The following MYO16 variants were observed in gnomAD, a reference collection of about 807,000 sequenced individuals.
MYO16 encodes unconventional myosin-XVI.
A neutral mutation model predicts 205.3 loss-of-function variants in MYO16; 94 were observed. That is an observed-to-expected ratio of 0.46 (90% CI 0.39 to 0.54). The LOEUF (loss-of-function observed/expected upper bound fraction) is 0.54. MYO16 is among the 20% of genes least tolerant of loss of function. The pLI, the probability that MYO16 is intolerant of heterozygous loss-of-function variation, is 0.00. For missense variants in MYO16, 2,315 were observed against 2,387.5 expected (o/e 0.97, Z 0.63); for synonymous variants, 988 against 954.0 (o/e 1.04, Z -0.66).
At position 109,140,398 on chromosome 13, in the gene MYO16, G is replaced by T; in HGVS notation, c.4186G>T (p.Ala1396Ser). The T allele has an allele frequency of 6.3e-7, 1 of 1,591,104 alleles. No individual in the cohort carries two copies. ...GATATCGGGGTCCCGGCCCGGGGAC[G>T]CGAGGCCCGCGGGCGCCCCGGGGGC... The part of the protein sequence containing the change: ...EEISGSRPGD[A>S]RPAGAPGAAA... Residue 1396 changes from alanine (A) to serine (S), a missense_variant, in exon 32 of 35, where the codon GCG (alanine) becomes TCG (serine). Coordinates refer to ENST00000457511, the MANE Select transcript of MYO16 (RefSeq NM_001198950.3). The surrounding 1 kb of genome is among the most constrained non-coding windows in gnomAD (Gnocchi z 8.0).
chr13:108,584,836 C>G, the MYO16 span, among the ~76,000 whole-genome samples: 2 of 152,180 alleles, frequency 1.3e-5, no homozygotes, highest in African/African-American at 2.4e-5. Flanking sequence ...AGATTTAATA[C>G]TTTTAAAATT....
chr13:109,102,222 A>G (rs187283321), intron 28 of MYO16, among the ~76,000 whole-genome samples: 103 of 152,246 alleles, frequency 6.8e-4, no homozygotes, highest in African/African-American at 2.3e-3. Context: ...GGAAGGAGGA[A>G]GAAGGAGGAA....
chr13:109,202,426 G>C (rs74427864), intron 34 of MYO16, among the ~76,000 whole-genome samples: 2 of 152,084 alleles, frequency 1.3e-5, no homozygotes, highest in Non-Finnish European at 2.9e-5. Flanking sequence ...ATCACATTCT[G>C]GTTTTGATTA....
At chr13:109,048,491 G>C (rs1274526335) in intron 24 of MYO16, 1 of 505,794 alleles carries the variant, frequency 2.0e-6, no homozygotes. Context: ...ACTCACCTCT[G>C]CTGTTATAAT....
intron 32 of MYO16, among the ~76,000 whole-genome samples, chr13:109,144,444 A>G (rs9587782): frequency 0.13 from 19,451 of 152,234 alleles, 1,289 homozygotes; most frequent in South Asian, 0.22. Context: ...TGGAAGGAAA[A>G]GCATTCAGTG....
At chr13:109,171,220 C>T (rs1164974599) in intron 33 of MYO16, among the ~76,000 whole-genome samples, 1 of 152,146 alleles carries the variant, frequency 6.6e-6, no homozygotes, top group African/African-American at 2.4e-5. Flanking sequence ...GAAAAACTGC[C>T]TCGTCAGTAT....
chr13:108,976,433 C>A lies in MYO16; in HGVS notation c.2369+11531C>A, dbSNP rs1341587906. On this transcript the variant is annotated intron_variant, in intron 20 of 34. Coordinates refer to ENST00000457511, the MANE Select transcript of MYO16 (RefSeq NM_001198950.3). ...CACAGATAAATGAATCTGATTAAAA[C>A]CAAACGTTTTTTATGTATGTTTCCA... is the stretch of plus-strand genomic sequence containing the variant. Among the ~76,000 whole-genome samples the A allele has an allele frequency of 3.9e-5, 6 of 152,190 alleles. No homozygotes were observed. In the East Asian group the frequency reaches 9.7e-4, roughly 24 times the overall value.
intron 33 of MYO16, among the ~76,000 whole-genome samples, chr13:109,175,265 C>T (rs1879116096): frequency 6.6e-6 from 1 of 152,174 alleles, no homozygotes; most frequent in African/African-American, 2.4e-5. Context: ...CTCTGAGCAG[C>T]CTCCAATTCA....
chr13:109,022,654 T>C (rs1886109231), intron 23 of MYO16, among the ~76,000 whole-genome samples: 1 of 123,264 alleles, frequency 8.1e-6, no homozygotes, highest in East Asian at 2.2e-4. Flanking sequence ...TAAACATATG[T>C]ATATATTTAT....
At position 109,055,512 on chromosome 13, in the gene MYO16, A is replaced by T; in HGVS notation, c.3252A>T (p.Leu1084=). The change falls in exon 27 of 35, where the codon CTA becomes CTT. Residue 1084 remains leucine, a synonymous_variant. Coordinates refer to ENST00000457511, the MANE Select transcript of MYO16 (RefSeq NM_001198950.3). This position sits in a 1 kb window ranked among gnomAD's most constrained non-coding sequence, Gnocchi z 5.0. ...TFDNFYVSAQ[L]QYIGVLEMVK... is the part of the protein sequence containing the mutation. ...ATAATTTTTACGTGTCTGCTCAGCT[A>T]CAATATATTGGGGTCCTGGAGATGG... is the stretch of plus-strand genomic sequence containing the variant. 1 of 1,613,208 alleles carries T rather than the reference A, an allele frequency of 6.2e-7. No individual in the cohort carries two copies. The highest frequency in any genetic ancestry group is 1.3e-5 in the African/African-American group (1 of 74,988).
At chr13:108,962,144 A>G (rs1334361982) in intron 18 of MYO16, among the ~76,000 whole-genome samples, 4 of 152,216 alleles carry the variant, frequency 2.6e-5, no homozygotes, top group Non-Finnish European at 5.9e-5. Flanking sequence ...AGATTTAACC[A>G]GGTACCTGGA....
the MYO16 span, among the ~76,000 whole-genome samples, chr13:108,556,876 A>G: frequency 6.6e-6 from 1 of 152,134 alleles, no homozygotes; most frequent in African/African-American, 2.4e-5. Context: ...TCCCAACACC[A>G]CCTACTGACA....
chr13:108,631,211 A>G (rs1201578276), intron 1 of MYO16, among the ~76,000 whole-genome samples: 1 of 152,176 alleles, frequency 6.6e-6, no homozygotes, highest in African/African-American at 2.4e-5. Context: ...GCCTCTGCAG[A>G]GGAAAAACTC....
chr13:108,700,912 TA>T (rs200390737), intron 2 of MYO16, among the ~76,000 whole-genome samples: 2,671 of 152,224 alleles, frequency 0.018, 25 homozygotes, highest in South Asian at 0.036. Context: ...GGACTGACCT[TA>T]AGGCTTTGCA....
rs199909377 is a variant in MYO16, at chr13:108,727,457, T to C, written c.381T>C (p.Asn127=). 2.2e-5 allele frequency: 36 copies of C among 1,613,916 alleles called. No homozygotes were observed. In the East Asian group the frequency reaches 8.0e-4, roughly 36 times the overall value. The change falls in exon 4 of 35, where the codon AAT becomes AAC. Residue 127 remains asparagine, a synonymous_variant. Coordinates refer to ENST00000457511, the MANE Select transcript of MYO16 (RefSeq NM_001198950.3). The stretch of plus-strand genomic sequence containing the variant: ...TCTTTTAGTGTGCTCGGTATGATAA[T>C]GCCTTCATTGCAGAAATTCTGATTG... ...SLLHLCARYD[N]AFIAEILIDR...
At chr13:109,119,976 T>C (rs1272327742) in intron 28 of MYO16, among the ~76,000 whole-genome samples, 1 of 152,218 alleles carries the variant, frequency 6.6e-6, no homozygotes, top group East Asian at 1.9e-4. Flanking sequence ...TGAGTATTTG[T>C]TTTTCTTTTT....
At chr13:108,574,669 T>TTG in the MYO16 span, among the ~76,000 whole-genome samples, 5,326 of 136,504 alleles carry the variant, frequency 0.039, 109 homozygotes, top group East Asian at 0.081. Context: ...CAATAACAAT[T>TTG]TGTGTGTGTG....
intron 1 of MYO16, among the ~76,000 whole-genome samples, chr13:108,653,658 G>A (rs1277088865): frequency 1.3e-5 from 2 of 151,552 alleles, no homozygotes; most frequent in African/African-American, 4.8e-5. Flanking sequence ...CATTTAGTAT[G>A]TTCAATCTTT....
chr13:108,910,205 A>G, intron 16 of MYO16, 55 bp downstream of exon 16: 1 of 1,530,442 alleles, frequency 6.5e-7, no homozygotes. Context: ...TGTGATTGCA[A>G]TTTGGTAGTC....
Sources: gnomAD v4.1 joint callset for allele counts (sites outside exome capture counted in the v4.1 genomes callset) on GRCh38, gnomAD v4.1.1 for gene constraint, Gnocchi (gnomAD v3.1) non-coding constraint, MANE v1.5 for transcripts, NCBI Gene and HGNC (gene_info 2026-07-23, HGNC 2026-07-21) for gene names.